CWF19L2: variants seen among roughly 807,000 people sequenced by gnomAD.
CWF19L2 encodes CWF19 like cell cycle control factor 2.
CWF19L2 carries 98 observed loss-of-function variants against 111.7 expected under a neutral mutation model. That is an observed-to-expected ratio of 0.88 (90% CI 0.75 to 1.04). CWF19L2 has a LOEUF of 1.04. Among genes scored for constraint, CWF19L2 ranks in the 50% least tolerant of loss-of-function variants. CWF19L2 has a pLI of 0.00. For synonymous variants in CWF19L2, 351 were observed against 342.9 expected (o/e 1.02, Z -0.26); for missense variants, 1,101 against 1,051.4 (o/e 1.05, Z -0.65).
intron 12 of CWF19L2, among the ~76,000 whole-genome samples, chr11:107,362,405 T>C (rs1235673464): frequency 2.6e-5 from 4 of 151,948 alleles, no homozygotes; most frequent in African/African-American, 7.3e-5. Context: ...CAGTAACCTC[T>C]GCAGACTTAA....
intron 10 of CWF19L2, among the ~76,000 whole-genome samples, chr11:107,414,425 A>G (rs1160014485): frequency 4.6e-5 from 7 of 152,136 alleles, no homozygotes; most frequent in Admixed American, 4.6e-4. Context: ...TTCTAACTAC[A>G]TTTATGCCTG....
Position 107,457,740 on chromosome 11 carries a change from C to T in CWF19L2, c.77G>A (p.Arg26Gln). 6.4e-7 allele frequency: 1 copy of T among 1,551,622 alleles called. No homozygotes were observed. The highest frequency in any genetic ancestry group is 8.7e-7 in the Non-Finnish European group (1 of 1,146,914). The change falls in exon 1 of 18, where the codon CGG becomes CAG. Residue 26 changes from arginine to glutamine, a missense_variant. Arg to Gln is a conservative substitution (Grantham distance 43). Transcript: ENST00000282251. ...GCGCAACACCTCGGCCCTGGCATTC[C>T]GGGTCTGTTCTTTCCGCTCTTCGAT... is the stretch of plus-strand genomic sequence containing the variant. ...KSIEERKEQT[R>Q]NARAEVLRQA... is the part of the protein sequence containing the mutation.
intron 4 of CWF19L2, 90 bp downstream of exon 4, chr11:107,442,849 A>C (rs1861649511): frequency 3.3e-6 from 2 of 612,224 alleles, no homozygotes; most frequent in African/African-American, 2.6e-5. Context: ...ACAGAGAGGG[A>C]GGGAGGGATA....
intron 8 of CWF19L2, among the ~76,000 whole-genome samples, chr11:107,422,508 A>G (rs1349320520): frequency 6.6e-6 from 1 of 151,998 alleles, no homozygotes; most frequent in Non-Finnish European, 1.5e-5. Context: ...TTTAATGAGA[A>G]CATATGCATT....
intron 6 of CWF19L2, among the ~76,000 whole-genome samples, chr11:107,437,964 T>C (rs1052914698): frequency 6.6e-6 from 1 of 152,136 alleles, no homozygotes; most frequent in Non-Finnish European, 1.5e-5. Flanking sequence ...TGACTATAGT[T>C]ACTATTACAT....
chr11:107,354,394 ATAT>A (rs1430445447), intron 12 of CWF19L2, among the ~76,000 whole-genome samples: 1 of 152,170 alleles, frequency 6.6e-6, no homozygotes, highest in Non-Finnish European at 1.5e-5. Flanking sequence ...AACCTTGAAC[ATAT>A]TATTTAATTT....
chr11:107,346,988 G>A (rs1260981637), intron 14 of CWF19L2, among the ~76,000 whole-genome samples: 1 of 152,150 alleles, frequency 6.6e-6, no homozygotes, highest in Admixed American at 6.5e-5. Flanking sequence ...CTGTATGTAA[G>A]CATCAGTGAC....
chr11:107,375,266 C>T (rs1485070963), intron 12 of CWF19L2, among the ~76,000 whole-genome samples: 16 of 134,154 alleles, frequency 1.2e-4, no homozygotes, highest in African/African-American at 3.9e-4. Flanking sequence ...CTGCACCAAG[C>T]GGACCTAATA....
chr11:107,408,908 C>T (rs939842510), intron 10 of CWF19L2, among the ~76,000 whole-genome samples: 2 of 151,812 alleles, frequency 1.3e-5, no homozygotes, highest in African/African-American at 4.8e-5. Context: ...AATATTTGAC[C>T]TAGAAAATTG....
rs147392165 is a variant in CWF19L2 at position 107,361,993 on chromosome 11, G to A, written c.1873-8257C>T. On this transcript the variant is annotated intron_variant, in intron 12 of 17. Coordinates refer to ENST00000282251, the MANE Select transcript of CWF19L2 (RefSeq NM_152434.3). ...CACCGTGCGTGAGCCGAAGCAGGGC[G>A]AGGCATTGCCGCACTTGGGAAGCGC... is the stretch of plus-strand genomic sequence containing the variant. Among the ~76,000 whole-genome samples the A allele has an allele frequency of 3.5e-3, 539 of 152,320 alleles. 3 individuals carry two copies. The highest frequency in any genetic ancestry group is 0.012 in the African/African-American group (496 of 41,576).
At chr11:107,396,904 G>T (rs11212204) in intron 10 of CWF19L2, among the ~76,000 whole-genome samples, 8,710 of 152,184 alleles carry the variant, frequency 0.057, 304 homozygotes, top group East Asian at 0.1. Context: ...CCCAACTGGA[G>T]AAGTTGAAGG....
At chr11:107,328,313 A>G (rs1331002784) in intron 17 of CWF19L2, among the ~76,000 whole-genome samples, 1 of 152,158 alleles carries the variant, frequency 6.6e-6, no homozygotes, top group Non-Finnish European at 1.5e-5. Flanking sequence ...GGTCCAAATA[A>G]GCAATGTAGT....
chr11:107,392,739 G>A (rs1338684333), intron 11 of CWF19L2, 40 bp downstream of exon 11: 12 of 1,224,056 alleles, frequency 9.8e-6, no homozygotes, highest in Middle Eastern at 1.9e-4. Context: ...GGGGAAGAAG[G>A]AATTCTGAAT....
chr11:107,328,155 A>C (rs1010710529), intron 17 of CWF19L2, among the ~76,000 whole-genome samples: 4 of 145,260 alleles, frequency 2.8e-5, no homozygotes, highest in Admixed American at 6.8e-5. Context: ...AAAAAAAAAA[A>C]AACAATCTAT....
At chr11:107,399,900 T>G (rs1204512533) in intron 10 of CWF19L2, among the ~76,000 whole-genome samples, 1 of 152,018 alleles carries the variant, frequency 6.6e-6, no homozygotes, top group Non-Finnish European at 1.5e-5. Context: ...AACTGGAAAT[T>G]AACTCCAAAA....
At chr11:107,451,245 AAAAGT>A (rs1357553627) in intron 3 of CWF19L2, among the ~76,000 whole-genome samples, 1 of 152,178 alleles carries the variant, frequency 6.6e-6, no homozygotes, top group South Asian at 2.1e-4. Context: ...ATGAGTAAGA[AAAAGT>A]AAAGTAAAAA....
At position 107,426,270 on chromosome 11, in the gene CWF19L2, A is replaced by T. The variant is rs572414345; in HGVS notation, c.1433+2529T>A. Among the ~76,000 whole-genome samples, 10 of 152,042 alleles carry T rather than the reference A, an allele frequency of 6.6e-5. No homozygotes were observed. In the East Asian group the frequency reaches 1.7e-3, roughly 26 times the overall value. On this transcript the variant is annotated intron_variant, in intron 8 of 17. Coordinates refer to ENST00000282251, the MANE Select transcript of CWF19L2 (RefSeq NM_152434.3). ...AATATGGCAAACTTCACTCATATTT[A>T]AAAAAATAAAAATCAAAGAGTCTGT...
In CWF19L2 at chr11:107,454,319, T is replaced by A. The variant is rs1591214909; in HGVS notation, c.339+131A>T. The A allele has an allele frequency of 1.7e-5, 11 of 650,350 alleles. No individual in the cohort carries two copies. The East Asian group carries it at 3.8e-4, about 22-fold the overall frequency. The allele number at this position is 650,350 out of a possible 1,614,324, so 40.3% of individuals were successfully genotyped here. A position where few individuals can be genotyped will look rare whatever the true frequency, so the allele number is the denominator to read the frequency against. ...TTCTGGACATCTCTAAGTAGATGTA[T>A]CCCAGATATTTTCATATCATAACTA... is the stretch of plus-strand genomic sequence containing the variant. On this transcript the variant is annotated intron_variant, in intron 3 of 17. Coordinates refer to ENST00000282251, the MANE Select transcript of CWF19L2 (RefSeq NM_152434.3).
intron 10 of CWF19L2, among the ~76,000 whole-genome samples, chr11:107,402,902 T>TATATAA (rs1209928404): frequency 7.9e-6 from 1 of 126,616 alleles, no homozygotes; most frequent in Non-Finnish European, 1.6e-5. Context: ...TATATATATA[T>TATATAA]AATGGAATAC....
Sources: allele counts gnomAD v4.1 joint callset (sites outside exome capture counted in the v4.1 genomes callset), GRCh38; gene constraint gnomAD v4.1.1; transcripts MANE v1.5; gene names NCBI Gene and HGNC (gene_info 2026-07-23, HGNC 2026-07-21).